Variants in C16orf74 observed in about 807,000 individuals in gnomAD.
The protein encoded by C16orf74 is uncharacterized protein C16orf74.
A neutral mutation model predicts 6.5 loss-of-function variants in C16orf74; 10 were observed. The observed-to-expected ratio is 1.54, with a 90% CI of 0.95 to 2.61. The LOEUF (loss-of-function observed/expected upper bound fraction) is 2.61, where lower values mean the gene tolerates loss of function less well. Ranked by LOEUF, C16orf74 falls within the 30% of genes most tolerant of loss-of-function variation. C16orf74 has a pLI of 0.00. For missense variants in C16orf74, 141 were observed against 105.9 expected (o/e 1.33, Z -1.45); for synonymous variants, 60 against 42.5 (o/e 1.41, Z -1.60).
chr16:85,719,248 T>C (rs548098633), intron 2 of C16orf74, among the ~76,000 whole-genome samples: 235 of 152,342 alleles, frequency 1.5e-3, no homozygotes, highest in African/African-American at 5.4e-3. Context: ...CTGCAGACAC[T>C]GCTGCGGAAA....
intron 1 of C16orf74, among the ~76,000 whole-genome samples, chr16:85,741,976 C>A (rs2054313639): frequency 6.6e-6 from 1 of 152,176 alleles, no homozygotes. Flanking sequence ...TGGGAGGTGT[C>A]TGGGTCATGG....
chr16:85,736,281 G>A (rs1304169681), intron 1 of C16orf74, among the ~76,000 whole-genome samples: 1 of 152,100 alleles, frequency 6.6e-6, no homozygotes, highest in African/African-American at 2.4e-5. Context: ...TACCTGTGAG[G>A]AGACCCCAGG....
intron 3 of C16orf74, among the ~76,000 whole-genome samples, chr16:85,709,426 G>C (rs575059295): frequency 6.6e-6 from 1 of 152,126 alleles, no homozygotes; most frequent in East Asian, 1.9e-4. Context: ...GAGAATTCCT[G>C]TAAGAACTAA....
chr16:85,726,329 C>T (rs2054132520), intron 2 of C16orf74, among the ~76,000 whole-genome samples: 1 of 152,182 alleles, frequency 6.6e-6, no homozygotes, highest in African/African-American at 2.4e-5. Flanking sequence ...GTACTCAGTA[C>T]ATGTTTGTGT....
chr16:85,748,705 G>A (rs1162597831), intron 1 of C16orf74, among the ~76,000 whole-genome samples: 1 of 152,176 alleles, frequency 6.6e-6, no homozygotes, highest in East Asian at 1.9e-4. Context: ...AGAACAGATT[G>A]TACATGTTTC....
At chr16:85,735,590 C>T (rs2054235391) in intron 1 of C16orf74, among the ~76,000 whole-genome samples, 1 of 152,164 alleles carries the variant, frequency 6.6e-6, no homozygotes, top group Non-Finnish European at 1.5e-5. Context: ...TCAAGAGCCA[C>T]AGGACGGCCG....
intron 2 of C16orf74, among the ~76,000 whole-genome samples, chr16:85,725,949 C>A (rs947049510): frequency 6.6e-6 from 1 of 152,108 alleles, no homozygotes; most frequent in African/African-American, 2.4e-5. Flanking sequence ...CTGCTGGCCC[C>A]AGGGACCTCA....
At chr16:85,719,743 C>T (rs897236493) in intron 2 of C16orf74, among the ~76,000 whole-genome samples, 2 of 151,992 alleles carry the variant, frequency 1.3e-5, no homozygotes, top group Non-Finnish European at 1.5e-5. Context: ...GAGAGATTCC[C>T]GAGGCACCCA....
Position 85,735,235 on chromosome 16 carries a change from C to G in C16orf74, c.-18G>C. The G allele has an allele frequency of 1.3e-6, 2 of 1,585,112 alleles. No individual in the cohort carries two copies. Among genetic ancestry groups the G allele is most frequent in the African/African-American group, 1.4e-5 (1 of 73,078 alleles). ...AGCCCCATGTCGGCACCTCTGCAGG[C>G]CTGTGGAGAGAGGACAGCGCTGAGA... On this transcript the variant is annotated splice_region_variant and 5_prime_UTR_variant, in exon 2 of 4. Transcript: ENST00000284245.
intron 2 of C16orf74, among the ~76,000 whole-genome samples, chr16:85,719,051 A>C (rs756118347): frequency 6.6e-6 from 1 of 152,214 alleles, no homozygotes; most frequent in Admixed American, 6.5e-5. Flanking sequence ...CCTCCATCTG[A>C]ATCTCACTTC....
intron 2 of C16orf74, among the ~76,000 whole-genome samples, chr16:85,713,563 G>C (rs1419039311): frequency 6.6e-6 from 1 of 152,196 alleles, no homozygotes. Flanking sequence ...ATGAGCCACA[G>C]CGCCCAGCCC....
At chr16:85,721,060 T>C (rs576519159) in intron 2 of C16orf74, among the ~76,000 whole-genome samples, 2 of 152,128 alleles carry the variant, frequency 1.3e-5, no homozygotes, top group African/African-American at 2.4e-5. Context: ...CACTGCACCC[T>C]AGCCTAGGCA....
intron 1 of C16orf74, among the ~76,000 whole-genome samples, chr16:85,740,111 G>C (rs1266504307): frequency 1.3e-5 from 2 of 149,566 alleles, no homozygotes; most frequent in Non-Finnish European, 3.0e-5. Flanking sequence ...TCGGGAGGCT[G>C]AGGCAGGAGA....
rs180976079 is a variant in C16orf74 at position 85,725,711 on chromosome 16, C to T, written c.28+9479G>A. ...TTCCATCTCCTGGGCTCAAGCAATC[C>T]TCACACCTCAGCCTCCTGAGTAGCT... On this transcript the variant is annotated intron_variant, in intron 2 of 3. Coordinates refer to ENST00000284245, the MANE Select transcript of C16orf74 (RefSeq NM_206967.3). Among the ~76,000 whole-genome samples the T allele has an allele frequency of 6.6e-5, 10 of 152,266 alleles. No homozygotes were observed. The East Asian group carries it at 1.7e-3, about 26-fold the overall frequency.
chr16:85,728,946 C>T (rs1338682009), intron 2 of C16orf74, among the ~76,000 whole-genome samples: 1 of 152,222 alleles, frequency 6.6e-6, no homozygotes, highest in African/African-American at 2.4e-5. Flanking sequence ...CCCTGAGTTC[C>T]TGACTCAGTT....
At chr16:85,748,162 G>GTA (rs59099249) in intron 1 of C16orf74, among the ~76,000 whole-genome samples, 1,382 of 68,168 alleles carry the variant, frequency 0.02, 262 homozygotes, top group Admixed American at 0.043. Flanking sequence ...ATATATATGT[G>GTA]TATATATATA....
chr16:85,711,439 AC>A (rs1214894921), intron 2 of C16orf74, among the ~76,000 whole-genome samples: 5 of 144,994 alleles, frequency 3.4e-5, no homozygotes, highest in Admixed American at 2.2e-4. Context: ...ACACGGAGAA[AC>A]CCCGTCTCCA....
chr16:85,720,974 C>T (rs112151650), intron 2 of C16orf74, among the ~76,000 whole-genome samples: 15 of 152,066 alleles, frequency 9.9e-5, no homozygotes, highest in African/African-American at 3.6e-4. Flanking sequence ...ACCTGTAATC[C>T]CAGCTACTTG....
chr16:85,727,500 G>A (rs2054145895), intron 2 of C16orf74, among the ~76,000 whole-genome samples: 1 of 152,136 alleles, frequency 6.6e-6, no homozygotes, highest in Non-Finnish European at 1.5e-5. Context: ...TCGGAATCAC[G>A]TGGACATTCA....
Sources: allele counts gnomAD v4.1 joint callset (sites outside exome capture counted in the v4.1 genomes callset), GRCh38; gene constraint gnomAD v4.1.1; transcripts MANE v1.5; gene names NCBI Gene and HGNC (gene_info 2026-07-23, HGNC 2026-07-21).